TGFBR3: variants seen among roughly 807,000 people sequenced by gnomAD.
TGFBR3 encodes transforming growth factor beta receptor type 3.
Under a neutral mutation model 87.9 loss-of-function variants are expected in TGFBR3, and 46 were observed. That is an observed-to-expected ratio of 0.52 (90% CI 0.41 to 0.67). The LOEUF (loss-of-function observed/expected upper bound fraction) is 0.67. TGFBR3 is among the 30% of genes least tolerant of loss of function. TGFBR3 has a pLI of 0.00. For missense variants in TGFBR3, 866 were observed against 1,041.9 expected (o/e 0.83, Z 2.32); for synonymous variants, 381 against 391.6 (o/e 0.97, Z 0.32).
At chr1:91,827,631 C>T (rs1293282146) in intron 2 of TGFBR3, among the ~76,000 whole-genome samples, 1 of 152,124 alleles carries the variant, frequency 6.6e-6, no homozygotes, top group African/African-American at 2.4e-5. Context: ...AATTCATTAA[C>T]GAAGAAAAAG....
chr1:91,723,361 G>A (rs1284520836), intron 7 of TGFBR3, among the ~76,000 whole-genome samples: 1 of 151,794 alleles, frequency 6.6e-6, no homozygotes, highest in Non-Finnish European at 1.5e-5. Context: ...TTTGCCTGCA[G>A]TCCCAGCTAC....
At chr1:91,772,812 A>G (rs1425933211) in intron 3 of TGFBR3, among the ~76,000 whole-genome samples, 1 of 152,224 alleles carries the variant, frequency 6.6e-6, no homozygotes, top group Non-Finnish European at 1.5e-5. Flanking sequence ...CCAATACAAT[A>G]TTAGCATCTT....
intron 14 of TGFBR3, among the ~76,000 whole-genome samples, chr1:91,701,212 T>C (rs1671608883): frequency 6.6e-6 from 1 of 152,004 alleles, no homozygotes. Flanking sequence ...ACAGAAACAG[T>C]TGTTGTTCAT....
chr1:91,877,289 T>C (rs1678843586), intron 1 of TGFBR3, among the ~76,000 whole-genome samples: 1 of 152,154 alleles, frequency 6.6e-6, no homozygotes, highest in Non-Finnish European at 1.5e-5. Context: ...GGGATACTTT[T>C]TGGAAGCATT....
rs535647246 is a variant in TGFBR3 at position 91,708,754 on chromosome 1, C to T, written c.2196G>A (p.Ser732=). The change falls in exon 14 of 17, where the codon TCG becomes TCA. Residue 732 remains serine, a synonymous_variant. Transcript: ENST00000212355. ...KCVPPDEACT[S]LDASIIWAMM... is the part of the protein sequence containing the mutation. ...TGGCCCAGATTATCGAGGCGTCCAG[C>T]GAGGTGCAGGCTTCGTCAGGAGGCA... is the stretch of plus-strand genomic sequence containing the variant. The T allele has an allele frequency of 1.9e-6, 3 of 1,613,862 alleles. No individual in the cohort carries two copies. The highest frequency in any genetic ancestry group is 1.7e-6 in the Non-Finnish European group (2 of 1,179,980).
At chr1:91,729,078 C>CACA (rs1672656866) in intron 6 of TGFBR3, among the ~76,000 whole-genome samples, 1 of 94,300 alleles carries the variant, frequency 1.1e-5, no homozygotes. Flanking sequence ...ACACACACAC[C>CACA]AAGCACACAA....
intron 3 of TGFBR3, among the ~76,000 whole-genome samples, chr1:91,764,317 CAAAAAAAAAAAAA>C (rs200776741): frequency 1.3e-5 from 1 of 77,394 alleles, no homozygotes; most frequent in Non-Finnish European, 2.3e-5. Flanking sequence ...ACAAAAGAGA[CAAAAAAAAAAAAA>C]AAAAAAAAAC....
At chr1:91,897,739 T>C (rs1679581881) in intron 2 of TGFBR3, among the ~76,000 whole-genome samples, 1 of 152,158 alleles carries the variant, frequency 6.6e-6, no homozygotes, top group South Asian at 2.1e-4. Flanking sequence ...AGGCACAAAG[T>C]AGAAAATTAA....
rs2492089 is a variant in TGFBR3 at position 91,805,720 on chromosome 1, G to A, written c.62-8249C>T. ...CGCTGCCTTGTGTGAGAAGCTGGGGGTTAACTCTTCATATGTATGGTTACC... is the reference window on the plus strand; with the variant it reads ...CGCTGCCTTGTGTGAGAAGCTGGGGATTAACTCTTCATATGTATGGTTACC... On this transcript the variant is annotated intron_variant, in intron 2 of 16. Coordinates refer to ENST00000212355, the MANE Select transcript of TGFBR3 (RefSeq NM_003243.5). Among the ~76,000 whole-genome samples, 1,378 of 152,288 alleles carry A rather than the reference G, an allele frequency of 9.0e-3. 15 individuals are homozygous for A. Among genetic ancestry groups the A allele is most frequent in the African/African-American group, 0.032 (1,322 of 41,558 alleles).
At chr1:91,781,112 C>T (rs1674752942) in intron 3 of TGFBR3, among the ~76,000 whole-genome samples, 1 of 152,166 alleles carries the variant, frequency 6.6e-6, no homozygotes, top group African/African-American at 2.4e-5. Flanking sequence ...CCACCCATGG[C>T]CTATGATAGT....
chr1:91,758,482 T>C, intron 4 of TGFBR3, 131 bp downstream of exon 4: 2 of 1,137,992 alleles, frequency 1.8e-6, no homozygotes, highest in Non-Finnish European at 2.6e-6. Flanking sequence ...AAGTGCATCC[T>C]CCAAATTTAA....
In TGFBR3 at chr1:91,719,441, G is replaced by C; in HGVS notation, c.1437C>G (p.Asp479Glu). The change falls in exon 10 of 17, where the codon GAC (aspartate) becomes GAG (glutamate). Residue 479 changes from aspartate to glutamate, a missense_variant. Physicochemically the swap from Asp to Glu is conservative, Grantham distance 45. Coordinates refer to ENST00000212355, the MANE Select transcript of TGFBR3 (RefSeq NM_003243.5). Reference protein sequence around the residue: ...SFQASGYSGMDVTLLDPTCKA... With the variant: ...SFQASGYSGMEVTLLDPTCKA... Reference sequence around the variant, plus strand: ...TGCAGGTAGGATCCAACAGGGTGACGTCCATCCCCGAGTAGCCACTGGCCT... The same window carrying C: ...TGCAGGTAGGATCCAACAGGGTGACCTCCATCCCCGAGTAGCCACTGGCCT... 2 of 1,614,116 alleles carry C rather than the reference G, an allele frequency of 1.2e-6. No homozygotes were observed. Among genetic ancestry groups the C allele is most frequent in the Non-Finnish European group, 1.7e-6 (2 of 1,180,014 alleles).
At chr1:91,735,236 CA>C (rs751956238) in intron 4 of TGFBR3, among the ~76,000 whole-genome samples, 4 of 152,164 alleles carry the variant, frequency 2.6e-5, no homozygotes, top group Non-Finnish European at 4.4e-5. Context: ...TAAGAATTAT[CA>C]CTGCTATTTC....
chr1:91,732,159 T>TG (rs1394838436), intron 5 of TGFBR3, among the ~76,000 whole-genome samples: 1 of 152,060 alleles, frequency 6.6e-6, no homozygotes, highest in African/African-American at 2.4e-5. Flanking sequence ...GGAATGAACC[T>TG]GGGGGGTAAT....
intron 1 of TGFBR3, among the ~76,000 whole-genome samples, chr1:91,882,677 G>A (rs1679140817): frequency 6.6e-6 from 1 of 152,102 alleles, no homozygotes; most frequent in Non-Finnish European, 1.5e-5. Context: ...CCTGGGAGGT[G>A]GAGCTTGCAG....
At chr1:91,895,570 T>C (rs1342930822) in intron 2 of TGFBR3, among the ~76,000 whole-genome samples, 1 of 151,652 alleles carries the variant, frequency 6.6e-6, no homozygotes, top group African/African-American at 2.4e-5. Flanking sequence ...AATCCTCCCA[T>C]CTTGGCCTCC....
intron 2 of TGFBR3, among the ~76,000 whole-genome samples, chr1:91,846,583 C>T (rs1024663748): frequency 8.1e-5 from 11 of 136,312 alleles, no homozygotes; most frequent in Non-Finnish European, 1.2e-4. Context: ...TTCTTTCACC[C>T]TGAAGACATT....
intron 4 of TGFBR3, among the ~76,000 whole-genome samples, chr1:91,746,610 A>T (rs1311360537): frequency 6.6e-6 from 1 of 152,124 alleles, no homozygotes; most frequent in Non-Finnish European, 1.5e-5. Flanking sequence ...CACAGGAGGG[A>T]AGACTCTCTT....
intron 1 of TGFBR3, among the ~76,000 whole-genome samples, chr1:91,904,800 A>G (rs555849322): frequency 6.6e-4 from 101 of 151,960 alleles, no homozygotes; most frequent in African/African-American, 2.4e-3. Context: ...TCCTGACCTC[A>G]GGTGATCCGC....
Sources: gnomAD v4.1 joint callset for allele counts (sites outside exome capture counted in the v4.1 genomes callset) on GRCh38, gnomAD v4.1.1 for gene constraint, MANE v1.5 for transcripts, NCBI Gene and HGNC (gene_info 2026-07-23, HGNC 2026-07-21) for gene names.